PKIB: variants seen among roughly 807,000 people sequenced by gnomAD.
PKIB encodes PKI-beta.
PKIB carries 2 observed loss-of-function variants against 4.5 expected under a neutral mutation model. The observed-to-expected ratio is 0.44, with a 90% CI of 0.18 to 1.39. The LOEUF (loss-of-function observed/expected upper bound fraction) is 1.39, where lower values mean the gene tolerates loss of function less well. Among genes scored for constraint, PKIB ranks in the 40% most tolerant of loss-of-function variants. PKIB has a pLI of 0.27. For synonymous variants in PKIB, 38 were observed against 36.0 expected, an observed-to-expected ratio of 1.06 and a Z score of -0.20; for missense variants, 94 against 92.6, an observed-to-expected ratio of 1.02 and a Z score of -0.06.
chr6:122,587,820 G>A (rs1220348644), intron 3 of PKIB, among the ~76,000 whole-genome samples: 1 of 152,176 alleles, frequency 6.6e-6, no homozygotes, highest in Non-Finnish European at 1.5e-5. Flanking sequence ...CTGCATAAAT[G>A]TCTTCTTTTG....
chr6:122,634,203 T>A (rs976513498), intron 2 of PKIB, among the ~76,000 whole-genome samples: 2 of 151,874 alleles, frequency 1.3e-5, no homozygotes, highest in Non-Finnish European at 2.9e-5. Flanking sequence ...CACCGGGGCC[T>A]GTCAGGGAGT....
intron 2 of PKIB, among the ~76,000 whole-genome samples, chr6:122,524,166 TTCC>T (rs1435736140): frequency 3.1e-4 from 45 of 145,914 alleles, no homozygotes; most frequent in Admixed American, 6.8e-4. Context: ...CCTCTTGCCC[TTCC>T]TCCTCCTCCT....
At chr6:122,501,350 G>T (rs1200646622) in intron 2 of PKIB, among the ~76,000 whole-genome samples, 1 of 152,178 alleles carries the variant, frequency 6.6e-6, no homozygotes, top group Non-Finnish European at 1.5e-5. Context: ...AAACAAAGGG[G>T]CTACAGGCCC....
intron 2 of PKIB, among the ~76,000 whole-genome samples, chr6:122,638,462 T>C (rs1776011019): frequency 6.6e-6 from 1 of 152,128 alleles, no homozygotes; most frequent in African/African-American, 2.4e-5. Context: ...TTCTGGCCAA[T>C]GCGTTGACTC....
intron 2 of PKIB, among the ~76,000 whole-genome samples, chr6:122,665,800 G>A (rs866760443): frequency 9.2e-5 from 14 of 152,138 alleles, no homozygotes; most frequent in African/African-American, 3.1e-4. Flanking sequence ...ATGAAGCTGA[G>A]TTTATCCTCC....
At chr6:122,514,202 G>T (rs1399219089) in intron 2 of PKIB, among the ~76,000 whole-genome samples, 2 of 151,798 alleles carry the variant, frequency 1.3e-5, no homozygotes, top group Non-Finnish European at 2.9e-5. Flanking sequence ...TTTTGGCTTT[G>T]GCCATGAGTA....
chr6:122,484,066 C>G (rs35028980), intron 2 of PKIB: 1 of 151,940 alleles, frequency 6.6e-6, no homozygotes, highest in Non-Finnish European at 1.5e-5. Flanking sequence ...ATCACCTAAC[C>G]TAGTGCTTGA....
chr6:122,670,029 T>A (rs1193264141), intron 2 of PKIB, among the ~76,000 whole-genome samples: 1 of 151,582 alleles, frequency 6.6e-6, no homozygotes, highest in African/African-American at 2.4e-5. Flanking sequence ...GCCCCTTCTA[T>A]CTAGTTGCTT....
intron 3 of PKIB, among the ~76,000 whole-genome samples, chr6:122,691,071 T>C (rs1196258817): frequency 6.6e-6 from 1 of 151,906 alleles, no homozygotes; most frequent in Non-Finnish European, 1.5e-5. Context: ...TGGTGCTCCA[T>C]TATATGTTAT....
intron 2 of PKIB, among the ~76,000 whole-genome samples, chr6:122,517,205 A>G (rs756898811): frequency 6.6e-5 from 10 of 152,196 alleles, no homozygotes; most frequent in Non-Finnish European, 1.5e-4. Flanking sequence ...CATTCTAATC[A>G]CCATTCAAGT....
At chr6:122,594,495 G>A (rs12192406) in intron 3 of PKIB, among the ~76,000 whole-genome samples, 15,403 of 152,208 alleles carry the variant, frequency 0.1, 974 homozygotes, top group East Asian at 0.18. Flanking sequence ...ATGAACCACC[G>A]TGCATGGCCA....
intron 2 of PKIB, among the ~76,000 whole-genome samples, chr6:122,561,915 A>G (rs2114673471): frequency 6.8e-6 from 1 of 146,968 alleles, no homozygotes; most frequent in African/African-American, 2.5e-5. Flanking sequence ...ATTACATTCA[A>G]TGTTAGTATT....
At chr6:122,660,260 A>G (rs563755667) in intron 2 of PKIB, among the ~76,000 whole-genome samples, 10 of 152,158 alleles carry the variant, frequency 6.6e-5, no homozygotes, top group Non-Finnish European at 7.4e-5. Flanking sequence ...GTTGCCCTTT[A>G]CTTTGAAAGA....
intron 1 of PKIB, among the ~76,000 whole-genome samples, chr6:122,472,388 G>A (rs1303087438): frequency 6.6e-6 from 1 of 152,264 alleles, no homozygotes; most frequent in East Asian, 1.9e-4. Context: ...CTATTAAGAT[G>A]TTACAAGAAA....
intron 2 of PKIB, among the ~76,000 whole-genome samples, chr6:122,500,763 A>C (rs1246093352): frequency 6.6e-6 from 1 of 152,210 alleles, no homozygotes; most frequent in Non-Finnish European, 1.5e-5. Flanking sequence ...TGGAGAAAAG[A>C]GGCTTAATTA....
At chr6:122,585,278 C>T (rs1402438205) in intron 2 of PKIB, among the ~76,000 whole-genome samples, 1 of 152,106 alleles carries the variant, frequency 6.6e-6, no homozygotes, top group Non-Finnish European at 1.5e-5. Flanking sequence ...ACTTGTCTGC[C>T]CTGCACCTTT....
intron 3 of PKIB, among the ~76,000 whole-genome samples, chr6:122,677,205 C>T (rs1044350908): frequency 6.6e-6 from 1 of 152,138 alleles, no homozygotes; most frequent in Non-Finnish European, 1.5e-5. Flanking sequence ...TAAAAATGAT[C>T]CCCAAATCAA....
rs1778685082 is a variant in PKIB, at chr6:122,698,884, T to TGGCC, written c.-8-18901_-8-18900insCCGG. On this transcript the variant is annotated intron_variant, in intron 3 of 4. Transcript: ENST00000368452. ...ACCTGTTTTTTGACAGTATCAGGGA[T>TGGCC]GGAGCAGCTTTTGCTTTACCAAATA... Among the ~76,000 whole-genome samples, 2 of 152,238 alleles carry TGGCC rather than the reference T, an allele frequency of 1.3e-5. 1 individual carries two copies. Among genetic ancestry groups the TGGCC allele is most frequent in the South Asian group, 4.1e-4 (2 of 4,830 alleles).
intron 4 of PKIB, among the ~76,000 whole-genome samples, chr6:122,720,425 G>A (rs1354329014): frequency 2.0e-5 from 3 of 152,100 alleles, no homozygotes; most frequent in African/African-American, 7.2e-5. Flanking sequence ...ATGTTTTATA[G>A]GCAGAATCAA....
Sources: gnomAD v4.1 joint callset for allele counts (sites outside exome capture counted in the v4.1 genomes callset) on GRCh38, gnomAD v4.1.1 for gene constraint, MANE v1.5 for transcripts, NCBI Gene and HGNC (gene_info 2026-07-23, HGNC 2026-07-21) for gene names.